KATNA1: variants seen among roughly 807,000 people sequenced by gnomAD.
KATNA1 encodes katanin p60 ATPase-containing subunit A1.
KATNA1 carries 42 observed loss-of-function variants against 62.6 expected under a neutral mutation model. That is an observed-to-expected ratio of 0.67 (90% CI 0.52 to 0.87). KATNA1 has a LOEUF of 0.87. Ranked by LOEUF, KATNA1 falls within the 40% of genes least tolerant of loss-of-function variation. KATNA1 has a pLI of 0.00. For missense variants in KATNA1, 498 were observed against 612.5 expected (o/e 0.81, Z 1.97); for synonymous variants, 186 against 201.9 (o/e 0.92, Z 0.67).
intron 7 of KATNA1, among the ~76,000 whole-genome samples, chr6:149,601,045 TA>T (rs1374144587): frequency 6.6e-6 from 1 of 152,198 alleles, no homozygotes; most frequent in Non-Finnish European, 1.5e-5. Flanking sequence ...CAGTGAAGCT[TA>T]ACAAAGTCTG....
At chr6:149,642,837 C>T (rs535117107) in intron 1 of KATNA1, among the ~76,000 whole-genome samples, 30 of 152,138 alleles carry the variant, frequency 2.0e-4, no homozygotes, top group Admixed American at 6.5e-4. Context: ...GGAGAAATTG[C>T]TTATGACAAG....
At chr6:149,641,420 C>T (rs1487026611) in intron 1 of KATNA1, among the ~76,000 whole-genome samples, 1 of 151,878 alleles carries the variant, frequency 6.6e-6, no homozygotes, top group Admixed American at 6.6e-5. Context: ...TCAGGATCTA[C>T]CCGCCTAGGC....
At chr6:149,632,959 T>C (rs1779908258) in intron 2 of KATNA1, 43 bp from the exon 3 acceptor site, 8 of 1,496,406 alleles carry the variant, frequency 5.3e-6, no homozygotes, top group Non-Finnish European at 7.2e-6. Context: ...TTCTATAATA[T>C]ATCACTGTCA....
intron 6 of KATNA1, 33 bp downstream of exon 6, chr6:149,603,235 A>ATT: frequency 4.5e-6 from 4 of 888,900 alleles, no homozygotes; most frequent in Non-Finnish European, 7.2e-6. Flanking sequence ...GCTGCCATTT[A>ATT]CTTTGACAAT....
At chr6:149,622,132 GTTT>G (rs58159339) in intron 4 of KATNA1, among the ~76,000 whole-genome samples, 2 of 142,334 alleles carry the variant, frequency 1.4e-5, no homozygotes, top group South Asian at 2.2e-4. Context: ...TGTTTTTTTT[GTTT>G]TTTTTTTTTT....
intron 1 of KATNA1, among the ~76,000 whole-genome samples, chr6:149,642,519 C>G (rs1466253927): frequency 3.9e-5 from 6 of 152,070 alleles, no homozygotes; most frequent in African/African-American, 1.4e-4. Flanking sequence ...TTTGAGAAAT[C>G]AAGTAGAGTC....
intron 1 of KATNA1, among the ~76,000 whole-genome samples, chr6:149,647,241 C>T (rs2114649910): frequency 6.6e-6 from 1 of 151,564 alleles, no homozygotes; most frequent in East Asian, 1.9e-4. Context: ...GAACAAAAAC[C>T]GGCCGGGCGC....
At chr6:149,645,484 GCTGA>G (rs1307733303) in intron 1 of KATNA1, among the ~76,000 whole-genome samples, 1 of 148,532 alleles carries the variant, frequency 6.7e-6, no homozygotes, top group Non-Finnish European at 1.5e-5. Flanking sequence ...AGAAAAAAAA[GCTGA>G]CTGACTCAGT....
At chr6:149,609,523 G>A (rs1011487818) in intron 4 of KATNA1, among the ~76,000 whole-genome samples, 2 of 151,852 alleles carry the variant, frequency 1.3e-5, no homozygotes, top group Non-Finnish European at 2.9e-5. Flanking sequence ...ATCCTGTCTC[G>A]GCCAGGCATG....
intron 2 of KATNA1, among the ~76,000 whole-genome samples, 184 bp from the exon 3 acceptor site, chr6:149,633,100 A>T (rs71568285): frequency 9.1e-5 from 11 of 120,732 alleles, no homozygotes; most frequent in Non-Finnish European, 9.9e-5. Context: ...TTCAATTGCA[A>T]TTTTTTTTTT....
intron 4 of KATNA1, among the ~76,000 whole-genome samples, chr6:149,606,657 TG>T (rs1778752722): frequency 6.6e-6 from 1 of 151,732 alleles, no homozygotes; most frequent in Admixed American, 6.6e-5. Flanking sequence ...TCATTCTTGT[TG>T]CCCAGGCTGG....
chr6:149,617,558 T>C (rs1417687085), intron 4 of KATNA1, among the ~76,000 whole-genome samples: 1 of 152,134 alleles, frequency 6.6e-6, no homozygotes, highest in Non-Finnish European at 1.5e-5. Flanking sequence ...TCCCAACACT[T>C]TGGGAGGCCG....
At chr6:149,632,718 G>A (rs752426675) in intron 3 of KATNA1, 41 bp downstream of exon 3, 52 of 1,562,200 alleles carry the variant, frequency 3.3e-5, no homozygotes, top group Non-Finnish European at 3.2e-5. Context: ...AATGCTATAA[G>A]CTTCTTGGGA....
intron 4 of KATNA1, among the ~76,000 whole-genome samples, chr6:149,608,782 T>A (rs1325498465): frequency 3.3e-5 from 5 of 151,982 alleles, no homozygotes; most frequent in Non-Finnish European, 7.4e-5. Context: ...CTGGAGAGCG[T>A]GTGGAGAACT....
chr6:149,606,378 A>G (rs191044934), intron 4 of KATNA1, among the ~76,000 whole-genome samples: 161 of 152,296 alleles, frequency 1.1e-3, no homozygotes, highest in African/African-American at 3.1e-3. Flanking sequence ...TAGGGTAAAT[A>G]AACATTTTTT....
chr6:149,643,583 A>G (rs1304384890), intron 1 of KATNA1, among the ~76,000 whole-genome samples: 1 of 152,102 alleles, frequency 6.6e-6, no homozygotes, highest in East Asian at 1.9e-4. Flanking sequence ...GCCAAGGACC[A>G]TATCTCTCTG....
intron 4 of KATNA1, among the ~76,000 whole-genome samples, chr6:149,614,559 G>A (rs1779092972): frequency 1.3e-5 from 2 of 152,202 alleles, no homozygotes; most frequent in Admixed American, 1.3e-4. Flanking sequence ...GATTGCTTAA[G>A]GCCAGGATTT....
chr6:149,624,056 G>A (rs1192602575), intron 3 of KATNA1, among the ~76,000 whole-genome samples: 1 of 152,042 alleles, frequency 6.6e-6, no homozygotes, highest in African/African-American at 2.4e-5. Context: ...CAAAATTCTG[G>A]GGACCAGAAG....
rs750719824 is a variant in KATNA1, at chr6:149,603,369, C to T, written c.628G>A (p.Asp210Asn). The T allele has an allele frequency of 4.6e-6, 7 of 1,519,638 alleles. No individual in the cohort carries two copies. The South Asian group carries it at 6.9e-5, about 15-fold the overall frequency. The allele number at this position is 1,519,638 out of a possible 1,614,324, so 94.1% of individuals were successfully genotyped here. The change falls in exon 6 of 11, where the codon GAT (aspartate) becomes AAT (asparagine). Residue 210 changes from aspartate (D) to asparagine (N), a missense_variant. Asp to Asn is a conservative substitution (Grantham distance 23). Coordinates refer to ENST00000367411, the MANE Select transcript of KATNA1 (RefSeq NM_007044.4). Reference sequence around the variant, plus strand: ...TTAGCTTCTACTAAATCAGCGATATCATCCCTGAAAGAGAAGACATTTTAT... The same window carrying T: ...TTAGCTTCTACTAAATCAGCGATATTATCCCTGAAAGAGAAGACATTTTAT... ...ISQNPNVRWD[D>N]IADLVEAKKL... is the part of the protein sequence containing the mutation.
Sources: gnomAD v4.1 joint callset for allele counts (sites outside exome capture counted in the v4.1 genomes callset) on GRCh38, gnomAD v4.1.1 for gene constraint, MANE v1.5 for transcripts, NCBI Gene and HGNC (gene_info 2026-07-23, HGNC 2026-07-21) for gene names.